Variants in CA10 observed in about 807,000 individuals in gnomAD.
CA10 encodes the protein carbonic anhydrase 10 (inactive).
In CA10, 14 loss-of-function variants were observed where a neutral mutation model predicts 44.2. The observed-to-expected ratio is 0.32, with a 90% CI of 0.21 to 0.50. CA10 has a LOEUF of 0.50. Ranked by LOEUF, CA10 falls within the 20% of genes least tolerant of loss-of-function variation. CA10 has a pLI of 0.99. For missense variants in CA10, 350 were observed against 409.7 expected (o/e 0.85, Z 1.26); for synonymous variants, 159 against 141.6 (o/e 1.12, Z -0.87).
At chr17:51,822,617 A>G (rs1907856562) in intron 3 of CA10, among the ~76,000 whole-genome samples, 1 of 152,234 alleles carries the variant, frequency 6.6e-6, no homozygotes, top group Non-Finnish European at 1.5e-5. Context: ...TTGGTTCAGT[A>G]TTTCTAGTAA....
chr17:51,978,132 A>G (rs1380276745), intron 2 of CA10, among the ~76,000 whole-genome samples: 1 of 152,136 alleles, frequency 6.6e-6, no homozygotes, highest in Non-Finnish European at 1.5e-5. Context: ...AATTCTTATC[A>G]AAGTCTCAGA....
At chr17:51,794,932 T>G (rs9910375) in intron 3 of CA10, among the ~76,000 whole-genome samples, 3,809 of 152,324 alleles carry the variant, frequency 0.025, 155 homozygotes, top group African/African-American at 0.086. Flanking sequence ...TATCTGGGAC[T>G]CTCAGTTGAT....
At chr17:52,135,584 T>G (rs1989339170) in intron 1 of CA10, among the ~76,000 whole-genome samples, 1 of 152,184 alleles carries the variant, frequency 6.6e-6, no homozygotes, top group East Asian at 1.9e-4. Flanking sequence ...ACGTTCCTAT[T>G]CCCTTTACCT....
intron 2 of CA10, among the ~76,000 whole-genome samples, chr17:51,987,479 CT>C (rs1984882917): frequency 6.6e-6 from 1 of 151,886 alleles, no homozygotes; most frequent in South Asian, 2.1e-4. Flanking sequence ...CACTAAAGAA[CT>C]TACTCATGTA....
intron 4 of CA10, among the ~76,000 whole-genome samples, chr17:51,691,494 A>G (rs961850488): frequency 1.3e-5 from 2 of 152,164 alleles, no homozygotes; most frequent in African/African-American, 2.4e-5. Context: ...TATGCTTTAC[A>G]AATATTAATA....
At chr17:52,065,225 C>T (rs948027074) in intron 2 of CA10, among the ~76,000 whole-genome samples, 1 of 152,196 alleles carries the variant, frequency 6.6e-6, no homozygotes, top group Non-Finnish European at 1.5e-5. Flanking sequence ...CACAAGGAGG[C>T]TCTCCTTGAT....
chr17:51,841,938 CT>C (rs1381689860), intron 3 of CA10, among the ~76,000 whole-genome samples: 1 of 152,194 alleles, frequency 6.6e-6, no homozygotes, highest in Non-Finnish European at 1.5e-5. Flanking sequence ...AAGGGGCTGT[CT>C]TTTCCTTCTG....
intron 1 of CA10, among the ~76,000 whole-genome samples, chr17:52,126,491 T>C (rs1207777250): frequency 6.6e-6 from 1 of 152,200 alleles, no homozygotes; most frequent in Non-Finnish European, 1.5e-5. Context: ...CCTATCTGCA[T>C]GGTTGGAAAA....
At chr17:51,783,877 C>T (rs1056449430) in intron 3 of CA10, among the ~76,000 whole-genome samples, 1 of 152,068 alleles carries the variant, frequency 6.6e-6, no homozygotes, top group African/African-American at 2.4e-5. Flanking sequence ...GCTGAGCAGA[C>T]AGCACAGCAG....
At chr17:51,804,696 A>T (rs749550757) in intron 3 of CA10, among the ~76,000 whole-genome samples, 2 of 152,216 alleles carry the variant, frequency 1.3e-5, no homozygotes, top group Non-Finnish European at 2.9e-5. Flanking sequence ...AGTTACACAC[A>T]TCCCACTGAA....
rs552133316 is a variant in CA10 at position 51,759,868 on chromosome 17, T to A, written c.280-12050A>T. Among the ~76,000 whole-genome samples the A allele has an allele frequency of 7.2e-5, 11 of 152,338 alleles. No individual in the cohort carries two copies. In the East Asian group the frequency reaches 9.6e-4, roughly 13 times the overall value. On this transcript the variant is annotated intron_variant, in intron 3 of 8. Coordinates refer to ENST00000451037, the MANE Select transcript of CA10 (RefSeq NM_020178.5). ...AATTGCTTTGATAATTATAAAGATA[T>A]AGCACTAAAGCTCTTTCTAAATATA...
At chr17:51,849,487 G>C (rs752972908) in intron 3 of CA10, among the ~76,000 whole-genome samples, 2 of 151,398 alleles carry the variant, frequency 1.3e-5, no homozygotes, top group Non-Finnish European at 2.9e-5. Flanking sequence ...TTGGTGCAAC[G>C]GAAAGATCTG....
intron 3 of CA10, among the ~76,000 whole-genome samples, chr17:51,753,052 G>C (rs1323751711): frequency 6.6e-6 from 1 of 152,198 alleles, no homozygotes; most frequent in Non-Finnish European, 1.5e-5. Flanking sequence ...TTCAGGAAAA[G>C]AGAGGACTAT....
At chr17:52,029,710 G>A (rs1419549680) in intron 2 of CA10, among the ~76,000 whole-genome samples, 2 of 152,144 alleles carry the variant, frequency 1.3e-5, no homozygotes, top group African/African-American at 4.8e-5. Context: ...GACTTTCACA[G>A]TCACCTTGAG....
At chr17:52,140,383 C>T (rs956486362) in intron 1 of CA10, among the ~76,000 whole-genome samples, 1 of 152,120 alleles carries the variant, frequency 6.6e-6, no homozygotes, top group Non-Finnish European at 1.5e-5. Flanking sequence ...TTTGCCCCTA[C>T]GGTGTAAATG....
intron 1 of CA10, among the ~76,000 whole-genome samples, chr17:52,083,338 CAT>C (rs1988031268): frequency 6.6e-6 from 1 of 152,162 alleles, no homozygotes. Context: ...ATGGAAAATA[CAT>C]GGCACCCTGG....
chr17:52,040,938 T>A (rs972590820), intron 2 of CA10, among the ~76,000 whole-genome samples: 14 of 151,806 alleles, frequency 9.2e-5, no homozygotes, highest in African/African-American at 3.4e-4. Flanking sequence ...TTTCTGAAGG[T>A]CACAAAGGGC....
At chr17:52,123,851 G>A (rs913401215) in intron 1 of CA10, among the ~76,000 whole-genome samples, 8 of 152,032 alleles carry the variant, frequency 5.3e-5, no homozygotes, top group African/African-American at 1.9e-4. Context: ...ACTTTAAAAG[G>A]CATCAGGATT....
At chr17:51,679,846 A>G (rs1914780537) in intron 4 of CA10, among the ~76,000 whole-genome samples, 1 of 152,196 alleles carries the variant, frequency 6.6e-6, no homozygotes, top group Non-Finnish European at 1.5e-5. Context: ...TGAACTAAGG[A>G]TGGTTATACA....
Sources: gnomAD v4.1 joint callset for allele counts (sites outside exome capture counted in the v4.1 genomes callset) on GRCh38, gnomAD v4.1.1 for gene constraint, MANE v1.5 for transcripts, NCBI Gene and HGNC (gene_info 2026-07-23, HGNC 2026-07-21) for gene names.